SLC17A1: variants seen among roughly 807,000 people sequenced by gnomAD.
The protein encoded by SLC17A1 is solute carrier family 17 member 1, also known as sodium-dependent phosphate transport protein 1.
SLC17A1 carries 51 observed loss-of-function variants against 53.5 expected under a neutral mutation model. The observed-to-expected ratio is 0.95, with a 90% CI of 0.76 to 1.20. The LOEUF (loss-of-function observed/expected upper bound fraction) is 1.20. Among genes scored for constraint, SLC17A1 ranks in the 50% most tolerant of loss-of-function variants. SLC17A1 has a pLI of 0.00. For missense variants in SLC17A1, 538 were observed against 568.2 expected, an observed-to-expected ratio of 0.95 and a Z score of 0.54; for synonymous variants, 179 against 198.8, an observed-to-expected ratio of 0.90 and a Z score of 0.84.
At chr6:25,799,587 G>A (rs1423492695) in intron 11 of SLC17A1, among the ~76,000 whole-genome samples, 1 of 152,094 alleles carries the variant, frequency 6.6e-6, no homozygotes, top group African/African-American at 2.4e-5. Flanking sequence ...CCAAATATTT[G>A]ATTTACTCAA....
the SLC17A1 span, among the ~76,000 whole-genome samples, chr6:25,753,885 A>G: frequency 6.6e-6 from 1 of 152,294 alleles, no homozygotes; most frequent in African/African-American, 2.4e-5. Flanking sequence ...GTGAGTTTAG[A>G]TAGGGAGGAA....
chr6:25,739,700 T>C, the SLC17A1 span, among the ~76,000 whole-genome samples: 1 of 152,174 alleles, frequency 6.6e-6, no homozygotes, highest in African/African-American at 2.4e-5. Context: ...AAATATTACA[T>C]ACTATATGAT....
chr6:25,831,964 C>G (rs1255038266), intron 1 of SLC17A1, 30 bp downstream of exon 1: 1 of 152,134 alleles, frequency 6.6e-6, no homozygotes, highest in African/African-American at 2.4e-5. Context: ...ACTGATTGCT[C>G]ATTTCATTTA....
intron 12 of SLC17A1, among the ~76,000 whole-genome samples, chr6:25,784,889 C>T (rs964862626): frequency 1.3e-5 from 2 of 152,154 alleles, no homozygotes; most frequent in African/African-American, 2.4e-5. Context: ...TTCTGCTCAA[C>T]ATTATACTAG....
intron 12 of SLC17A1, among the ~76,000 whole-genome samples, chr6:25,790,374 T>A (rs1763476944): frequency 6.6e-6 from 1 of 152,180 alleles, no homozygotes; most frequent in South Asian, 2.1e-4. Flanking sequence ...AAAGCAATGT[T>A]GTTGATATAT....
intron 3 of SLC17A1, among the ~76,000 whole-genome samples, chr6:25,821,228 C>T (rs1433532960): frequency 6.6e-6 from 1 of 151,930 alleles, no homozygotes; most frequent in East Asian, 1.9e-4. Context: ...CACTATTATC[C>T]CTCCATTCTT....
At chr6:25,783,594 G>T (rs1292424181) in intron 12 of SLC17A1, among the ~76,000 whole-genome samples, 3 of 151,828 alleles carry the variant, frequency 2.0e-5, no homozygotes, top group Non-Finnish European at 4.4e-5. Flanking sequence ...TCCAAACAAA[G>T]CAAAAAAACA....
chr6:25,761,067 T>C, the SLC17A1 span, among the ~76,000 whole-genome samples: 3 of 152,182 alleles, frequency 2.0e-5, no homozygotes, highest in Admixed American at 2.0e-4. Context: ...TTTGAGTGAA[T>C]CAGACTGGGC....
the SLC17A1 span, chr6:25,762,093 G>A: frequency 6.4e-7 from 1 of 1,554,850 alleles, no homozygotes. Flanking sequence ...AATAAAACTA[G>A]GATCTGTGGC....
intron 12 of SLC17A1, among the ~76,000 whole-genome samples, chr6:25,794,588 C>A (rs1763566139): frequency 6.6e-6 from 1 of 152,030 alleles, no homozygotes; most frequent in Non-Finnish European, 1.5e-5. Flanking sequence ...TACCTCATAC[C>A]CAAATCAACA....
chr6:25,767,065 T>C, the SLC17A1 span, among the ~76,000 whole-genome samples: 1 of 152,154 alleles, frequency 6.6e-6, no homozygotes. Context: ...ATAGAGGAAC[T>C]CAACAATTCT....
chr6:25,779,041 T>G (rs1444308112), downstream of SLC17A1: 3 of 1,613,352 alleles, frequency 1.9e-6, no homozygotes, highest in Admixed American at 3.3e-5. Flanking sequence ...AACTTGTAAT[T>G]TTCTGCCTCC....
the SLC17A1 span, among the ~76,000 whole-genome samples, chr6:25,748,248 G>GTAAA: frequency 8.5e-4 from 130 of 152,200 alleles, no homozygotes; most frequent in African/African-American, 2.8e-3. Context: ...ATCCATGGCA[G>GTAAA]GGTTAGCTGA....
At chr6:25,810,040 G>A (rs993971548) in intron 10 of SLC17A1, among the ~76,000 whole-genome samples, 2 of 152,034 alleles carry the variant, frequency 1.3e-5, no homozygotes, top group Non-Finnish European at 2.9e-5. Flanking sequence ...AATAAATGCT[G>A]TTGGGACAAC....
chr6:25,799,756 C>A (rs1397746878), intron 11 of SLC17A1, among the ~76,000 whole-genome samples: 1 of 152,214 alleles, frequency 6.6e-6, no homozygotes, highest in African/African-American at 2.4e-5. Flanking sequence ...GAGAAACTAG[C>A]TCCACTAACA....
chr6:25,758,249 C>T, the SLC17A1 span, among the ~76,000 whole-genome samples: 975 of 152,324 alleles, frequency 6.4e-3, 11 homozygotes, highest in African/African-American at 0.021. Context: ...CTTGAAGTGA[C>T]GGGGCAGTGC....
chr6:25,725,018 A>AGT, the SLC17A1 span, among the ~76,000 whole-genome samples: 9 of 142,072 alleles, frequency 6.3e-5, no homozygotes, highest in Non-Finnish European at 9.1e-5. Context: ...TAACCAAATG[A>AGT]TTTTTTTTTT....
chr6:25,784,513 A>T (rs1405056184), intron 12 of SLC17A1, among the ~76,000 whole-genome samples: 1 of 152,120 alleles, frequency 6.6e-6, no homozygotes, highest in Non-Finnish European at 1.5e-5. Flanking sequence ...CTGTTATACA[A>T]CCATATTCTC....
chr6:25,800,868 T>C (rs777282526), intron 11 of SLC17A1, 22 bp downstream of exon 11: 1 of 1,414,300 alleles, frequency 7.1e-7, no homozygotes, highest in Non-Finnish European at 1.0e-6. Flanking sequence ...GAAAAATAAC[T>C]ACACATCTGT....
Sources: allele counts gnomAD v4.1 joint callset (sites outside exome capture counted in the v4.1 genomes callset), GRCh38; gene constraint gnomAD v4.1.1; transcripts MANE v1.5; gene names NCBI Gene and HGNC (gene_info 2026-07-23, HGNC 2026-07-21).